FAT3: variants seen among roughly 807,000 people sequenced by gnomAD.
The protein encoded by FAT3 is FAT atypical cadherin 3.
In FAT3, 95 loss-of-function variants were observed where a neutral mutation model predicts 310.2. The observed-to-expected ratio is 0.31, with a 90% CI of 0.26 to 0.36. The LOEUF is 0.36. Among genes scored for constraint, FAT3 ranks in the 10% least tolerant of loss-of-function variants. The probability of loss-of-function intolerance (pLI) is 1.00; values close to 1 mark genes in which losing one functional copy is unlikely to be tolerated. For synonymous variants in FAT3, 2,314 were observed against 2,192.9 expected (o/e 1.06, Z -1.54); for missense variants, 5,408 against 5,715.6 (o/e 0.95, Z 1.74).
chr11:92,276,348 T>C (rs1384738745), intron 1 of FAT3, among the ~76,000 whole-genome samples: 1 of 152,154 alleles, frequency 6.6e-6, no homozygotes, highest in Non-Finnish European at 1.5e-5. Context: ...AAGCATTTTA[T>C]CTTGGTACAT....
intron 2 of FAT3, among the ~76,000 whole-genome samples, chr11:92,489,190 A>G (rs1952525192): frequency 6.6e-6 from 1 of 152,096 alleles, no homozygotes; most frequent in African/African-American, 2.4e-5. Context: ...CTAGATGATA[A>G]ATTCCATGAG....
At chr11:92,301,313 G>A (rs1371573211) in intron 1 of FAT3, among the ~76,000 whole-genome samples, 2 of 152,100 alleles carry the variant, frequency 1.3e-5, no homozygotes, top group Non-Finnish European at 1.5e-5. Context: ...AAAAGAAAGG[G>A]CACTACAGTG....
chr11:92,884,198 A>C (rs1949745307), intron 24 of FAT3, among the ~76,000 whole-genome samples: 1 of 152,186 alleles, frequency 6.6e-6, no homozygotes, highest in African/African-American at 2.4e-5. Context: ...GTGCAGTTGG[A>C]GCTTGCTGAG....
rs76630466 is a variant in FAT3 at position 92,642,991 on chromosome 11, T to C, written c.3608-54393T>C. ...TAGTGACCCTGTGAGGTAATATGAA[T>C]GAATAAATGAAGCAGAATACATTAT... On this transcript the variant is annotated intron_variant, in intron 3 of 27. Transcript: ENST00000525166. Among the ~76,000 whole-genome samples the C allele has an allele frequency of 3.9e-5, 6 of 152,310 alleles. No individual in the cohort carries two copies. The East Asian group carries it at 1.2e-3, about 29-fold the overall frequency.
chr11:92,782,129 C>T (rs3847529), intron 7 of FAT3, among the ~76,000 whole-genome samples: 119,842 of 151,888 alleles, frequency 0.79, 47,742 homozygotes, highest in Non-Finnish European at 0.84. Flanking sequence ...AATAACACAG[C>T]GAGAACTTAT....
chr11:92,891,258 G>A lies in FAT3; in HGVS notation c.*145G>A. On this transcript the variant is annotated 3_prime_UTR_variant, in exon 28 of 28. Coordinates refer to ENST00000525166, the MANE Select transcript of FAT3 (RefSeq NM_001367949.2). ...TAGAAACTTCTTCACAAGTCATACTGTCCCAACAAGCAAGCTTGATTCCAG... is the reference window on the plus strand; with the variant it reads ...TAGAAACTTCTTCACAAGTCATACTATCCCAACAAGCAAGCTTGATTCCAG... 1 of 1,110,738 alleles carries A rather than the reference G, an allele frequency of 9.0e-7. No individual in the cohort carries two copies. The highest frequency in any genetic ancestry group is 2.6e-5 in the East Asian group (1 of 38,492). The allele number at this position is 1,110,738 out of a possible 1,614,324, so 68.8% of individuals were successfully genotyped here.
At chr11:92,309,529 C>G (rs1007129748) in intron 1 of FAT3, among the ~76,000 whole-genome samples, 1 of 152,132 alleles carries the variant, frequency 6.6e-6, no homozygotes, top group African/African-American at 2.4e-5. Context: ...AAACACTTCA[C>G]CTTCGGGAAA....
chr11:92,627,380 A>T (rs1035798862), intron 3 of FAT3, among the ~76,000 whole-genome samples: 14 of 152,188 alleles, frequency 9.2e-5, no homozygotes, highest in Admixed American at 6.6e-5. Context: ...GGATGGATAA[A>T]GGCAGCTGCC....
At position 92,896,066 on chromosome 11, in the gene FAT3, TA is replaced by T. The variant is rs951892959; in HGVS notation, c.*4959del. 6.6e-6 allele frequency: 1 copy of T among 152,156 alleles called. No individual in the cohort carries two copies. Among genetic ancestry groups the T allele is most frequent in the Non-Finnish European group, 1.5e-5 (1 of 68,012 alleles). The allele number at this position is 152,156 out of a possible 1,614,324, so 9.4% of individuals were successfully genotyped here. On this transcript the variant is annotated 3_prime_UTR_variant, in exon 28 of 28. Transcript: ENST00000525166. Reference sequence around the variant, plus strand: ...GAAAAATTGTCTTTATTGACATTTGTAAAAAAGAATGTGTTTTGCCCAGTTA... The same window carrying T: ...GAAAAATTGTCTTTATTGACATTTGTAAAAAGAATGTGTTTTGCCCAGTTA...
At chr11:92,528,449 C>T (rs1266247168) in intron 3 of FAT3, among the ~76,000 whole-genome samples, 1 of 152,128 alleles carries the variant, frequency 6.6e-6, no homozygotes, top group Non-Finnish European at 1.5e-5. Context: ...TGCATTGGCA[C>T]GATCTCGGCT....
At chr11:92,244,478 A>G (rs1489921340) in intron 1 of FAT3, among the ~76,000 whole-genome samples, 1 of 152,150 alleles carries the variant, frequency 6.6e-6, no homozygotes, top group Non-Finnish European at 1.5e-5. Flanking sequence ...CTGAATGACT[A>G]AAAGAGCTTG....
At chr11:92,645,402 C>A (rs1163501950) in intron 3 of FAT3, among the ~76,000 whole-genome samples, 1 of 151,844 alleles carries the variant, frequency 6.6e-6, no homozygotes, top group South Asian at 2.1e-4. Flanking sequence ...TAGGGAATAA[C>A]CTACATTTCT....
intron 3 of FAT3, among the ~76,000 whole-genome samples, chr11:92,544,062 AC>A: frequency 1.3e-5 from 2 of 152,308 alleles, no homozygotes; most frequent in Middle Eastern, 6.8e-3. Context: ...ACTTCTACGT[AC>A]TAGGGAAGCT....
chr11:92,314,896 G>A (rs1393815838), intron 1 of FAT3, among the ~76,000 whole-genome samples: 5 of 152,122 alleles, frequency 3.3e-5, no homozygotes, highest in Admixed American at 3.3e-4. Context: ...CAGTGATAGT[G>A]AGGGAAGGTC....
intron 1 of FAT3, among the ~76,000 whole-genome samples, chr11:92,269,411 A>G (rs1332430829): frequency 1.3e-5 from 2 of 152,180 alleles, no homozygotes; most frequent in Non-Finnish European, 2.9e-5. Flanking sequence ...TTTAGATGAA[A>G]GTGAAAATTA....
At chr11:92,412,740 T>TACAC (rs1406550603) in intron 2 of FAT3, among the ~76,000 whole-genome samples, 12 of 76,340 alleles carry the variant, frequency 1.6e-4, no homozygotes, top group Admixed American at 2.7e-4. Context: ...TATATATATA[T>TACAC]ATATAAATAT....
intron 2 of FAT3, among the ~76,000 whole-genome samples, chr11:92,387,184 T>C (rs569940014): frequency 1.3e-5 from 2 of 151,494 alleles, no homozygotes; most frequent in African/African-American, 4.8e-5. Context: ...AATAGAGAAA[T>C]AGGTATTATT....
At chr11:92,659,555 A>C (rs1053248676) in intron 3 of FAT3, among the ~76,000 whole-genome samples, 4 of 152,188 alleles carry the variant, frequency 2.6e-5, no homozygotes, top group African/African-American at 9.7e-5. Context: ...CTTCATAATT[A>C]TCCCTATTTT....
chr11:92,313,592 C>T (rs1176328562), intron 1 of FAT3, among the ~76,000 whole-genome samples: 1 of 152,158 alleles, frequency 6.6e-6, no homozygotes, highest in Non-Finnish European at 1.5e-5. Flanking sequence ...CAGACTCTCA[C>T]CCTGTCGCCC....
Sources: gnomAD v4.1 joint callset for allele counts (sites outside exome capture counted in the v4.1 genomes callset) on GRCh38, gnomAD v4.1.1 for gene constraint, MANE v1.5 for transcripts, NCBI Gene and HGNC (gene_info 2026-07-23, HGNC 2026-07-21) for gene names.